The following RAG2 variants were observed in gnomAD, a reference collection of about 807,000 sequenced individuals.
RAG2 encodes the protein V(D)J recombination-activating protein 2.
RAG2 carries 16 observed loss-of-function variants against 31.8 expected under a neutral mutation model. That is an observed-to-expected ratio of 0.50 (90% CI 0.34 to 0.76). The LOEUF (loss-of-function observed/expected upper bound fraction) is 0.76. Among genes scored for constraint, RAG2 ranks in the 30% least tolerant of loss-of-function variants. The pLI is 0.01. For missense variants in RAG2, 622 were observed against 628.5 expected (o/e 0.99, Z 0.11); for synonymous variants, 199 against 215.9 (o/e 0.92, Z 0.68).
chr11:36,594,527 A>T (rs139508378), intron 1 of RAG2: 160 of 292,060 alleles, frequency 5.5e-4, no homozygotes, highest in African/African-American at 3.0e-3. Flanking sequence ...AGCTTTGGAA[A>T]TCTGTCTTTG....
intron 1 of RAG2, among the ~76,000 whole-genome samples, chr11:36,596,215 T>TTG (rs1851230777): frequency 7.3e-6 from 1 of 137,632 alleles, no homozygotes; most frequent in Non-Finnish European, 1.5e-5. Context: ...GGTAGTGTTT[T>TTG]TTTTTTGTTT....
intron 1 of RAG2, among the ~76,000 whole-genome samples, chr11:36,596,144 C>G (rs1450361997): frequency 6.7e-6 from 1 of 148,310 alleles, no homozygotes; most frequent in Non-Finnish European, 1.5e-5. Flanking sequence ...TCTAATTTAT[C>G]TTTATTCCTC....
Position 36,593,556 on chromosome 11 carries a change from A to G in RAG2, c.613T>C (p.Ser205Pro). The change falls in exon 2 of 2, where the codon TCT (serine) becomes CCT (proline). Residue 205 changes from serine to proline, a missense_variant. Ser to Pro is a moderately conservative substitution (Grantham distance 74, BLOSUM62 -1). Coordinates refer to ENST00000311485, the MANE Select transcript of RAG2 (RefSeq NM_000536.4). ...YILPELQDGL[S>P]FHVSIAKNDT... ...TTTTTGGCAATAGAGACATGAAAAGATAGCCCATCCTGAAGTTCTGGAAGA... is the reference window on the plus strand; with the variant it reads ...TTTTTGGCAATAGAGACATGAAAAGGTAGCCCATCCTGAAGTTCTGGAAGA... 1 of 1,614,212 alleles carries G rather than the reference A, an allele frequency of 6.2e-7. No homozygotes were observed. The highest frequency in any genetic ancestry group is 8.5e-7 in the Non-Finnish European group (1 of 1,180,024).
rs867293336 is a variant in RAG2, at chr11:36,596,186, C to G, written c.-28+1916G>C. Reference sequence around the variant, plus strand: ...AGATTCCTTGGACTATTTAGAATCTCTGGTCACTCTAATGAGATGGTAGTG... The same window carrying G: ...AGATTCCTTGGACTATTTAGAATCTGTGGTCACTCTAATGAGATGGTAGTG... On this transcript the variant is annotated intron_variant, in intron 1 of 1. Coordinates refer to ENST00000311485, the MANE Select transcript of RAG2 (RefSeq NM_000536.4). Among the ~76,000 whole-genome samples, 3 of 143,882 alleles carry G rather than the reference C, an allele frequency of 2.1e-5. No homozygotes were observed. In the East Asian group the frequency reaches 6.0e-4, roughly 29 times the overall value. 94.4% of individuals were successfully genotyped at this position (143,882 alleles called of 152,430 possible).
intron 1 of RAG2, chr11:36,597,539 A>G (rs1331797769): frequency 2.0e-5 from 3 of 152,200 alleles, no homozygotes; most frequent in African/African-American, 7.2e-5. Context: ...ATTTTCATTT[A>G]TTCTCTCTGA....
chr11:36,592,484 G>A lies in RAG2; in HGVS notation c.*101C>T, dbSNP rs1417183273. 2.1e-6 allele frequency: 3 copies of A among 1,406,640 alleles called. No homozygotes were observed. The East Asian group carries it at 7.5e-5, about 35-fold the overall frequency. 87.1% of individuals were successfully genotyped at this position (1,406,640 alleles called of 1,614,324 possible). ...TTCATGTAACTAAAAGAAAACATAG[G>A]CATTTTAAATAAACAAAAATGTATT... On this transcript the variant is annotated 3_prime_UTR_variant, in exon 2 of 2. Transcript: ENST00000311485.
chr11:36,592,463 T>G lies in RAG2; in HGVS notation c.*122A>C, dbSNP rs907637297. 1 of 1,278,186 alleles carries G rather than the reference T, an allele frequency of 7.8e-7. No homozygotes were observed. Among genetic ancestry groups the G allele is most frequent in the Non-Finnish European group, 1.1e-6 (1 of 935,434 alleles). The allele number at this position is 1,278,186 out of a possible 1,614,324, so 79.2% of individuals were successfully genotyped here. ...ACACTTTTTTCTGGCCCTTAATTCA[T>G]GTAACTAAAAGAAAACATAGGCATT... is the stretch of plus-strand genomic sequence containing the variant. On this transcript the variant is annotated 3_prime_UTR_variant, in exon 2 of 2. Transcript: ENST00000311485.
At position 36,592,485 on chromosome 11, in the gene RAG2, C is replaced by A. The variant is rs1185982881; in HGVS notation, c.*100G>T. On this transcript the variant is annotated 3_prime_UTR_variant, in exon 2 of 2. Coordinates refer to ENST00000311485, the MANE Select transcript of RAG2 (RefSeq NM_000536.4). The stretch of plus-strand genomic sequence containing the variant: ...TCATGTAACTAAAAGAAAACATAGG[C>A]ATTTTAAATAAACAAAAATGTATTT... 2.8e-6 allele frequency: 4 copies of A among 1,421,584 alleles called. No individual in the cohort carries two copies. In the East Asian group the frequency reaches 7.4e-5, roughly 26 times the overall value. 88.1% of individuals were successfully genotyped at this position (1,421,584 alleles called of 1,614,324 possible). A position where few individuals can be genotyped will look rare whatever the true frequency, so the allele number is the denominator to read the frequency against.
At chr11:36,597,828 C>A (rs1009541670) in intron 1 of RAG2, 1 of 152,022 alleles carries the variant, frequency 6.6e-6, no homozygotes, top group Non-Finnish European at 1.5e-5. Context: ...GCAGTAAAAC[C>A]AGGATTAGGT....
intron 1 of RAG2, among the ~76,000 whole-genome samples, chr11:36,596,802 C>T: frequency 6.6e-6 from 1 of 152,154 alleles, no homozygotes; most frequent in East Asian, 1.9e-4. Context: ...TTTTTATTGT[C>T]GCCTCTTGGT....
chr11:36,595,400 TAGAG>T (rs1851175724), intron 1 of RAG2: 1 of 152,262 alleles, frequency 6.6e-6, no homozygotes, highest in African/African-American at 2.4e-5. Context: ...TTGTTTACCT[TAGAG>T]AGTTGTGGAA....
At chr11:36,597,245 C>A (rs1851306085) in intron 1 of RAG2, among the ~76,000 whole-genome samples, 1 of 152,130 alleles carries the variant, frequency 6.6e-6, no homozygotes, top group African/African-American at 2.4e-5. Context: ...CTGGAGTAGA[C>A]CATTGTATCT....
Position 36,594,036 on chromosome 11 carries a change from C to T in RAG2, c.133G>A (p.Val45Ile), listed in dbSNP as rs770312622. Residue 45 changes from valine to isoleucine, a missense_variant, in exon 2 of 2, where the codon GTT (valine) becomes ATT (isoleucine). By Grantham distance (29) the Val-to-Ile change is conservative. Coordinates refer to ENST00000311485, the MANE Select transcript of RAG2 (RefSeq NM_000536.4). ...TTATGCTTTACATCCAGATGGAAAA[C>T]TCCAGTGGGGCAGGATCTTTTGGGC... ...GWPKRSCPTG[V>I]FHLDVKHNHV... The T allele has an allele frequency of 8.7e-6, 14 of 1,614,166 alleles. No individual in the cohort carries two copies. The highest frequency in any genetic ancestry group is 8.3e-5 in the Admixed American group (5 of 60,026).
downstream of RAG2, among the ~76,000 whole-genome samples, chr11:36,590,997 G>A (rs1296630603): frequency 6.6e-6 from 1 of 152,086 alleles, no homozygotes; most frequent in Non-Finnish European, 1.5e-5. Context: ...AAATCAAAGT[G>A]GAGTGATCCT....
chr11:36,594,852 G>A (rs1851141940), intron 1 of RAG2: 1 of 152,574 alleles, frequency 6.6e-6, no homozygotes, highest in Non-Finnish European at 1.5e-5. Flanking sequence ...ATGTCGTTAC[G>A]GTGTCCTGCC....
At chr11:36,597,440 A>C (rs1381854047) in intron 1 of RAG2, among the ~76,000 whole-genome samples, 1 of 152,252 alleles carries the variant, frequency 6.6e-6, no homozygotes, top group Non-Finnish European at 1.5e-5. Flanking sequence ...AGGTCAACAC[A>C]TTAAAGATTC....
chr11:36,591,272 C>T (rs1408464314), downstream of RAG2, among the ~76,000 whole-genome samples: 9 of 152,080 alleles, frequency 5.9e-5, no homozygotes, highest in Non-Finnish European at 1.0e-4. Context: ...TGTACTCCAG[C>T]GTTTCATCTC....
rs145031483 is a variant in RAG2 at position 36,593,485 on chromosome 11, G to A, written c.684C>T (p.Ile228=). 53 of 1,613,896 alleles carry A rather than the reference G, an allele frequency of 3.3e-5. No individual in the cohort carries two copies. The change falls in exon 2 of 2, where the codon ATC becomes ATT. Residue 228 remains isoleucine (I), a synonymous_variant. Coordinates refer to ENST00000311485, the MANE Select transcript of RAG2 (RefSeq NM_000536.4). The stretch of plus-strand genomic sequence containing the variant: ...TTATTCTGTACAGGTTGGCAGGCCG[G>A]ATATTATTGGCAAGTGAATGTCCTC... ...ILGGHSLANN[I]RPANLYRIRV... is the part of the protein sequence containing the mutation.
intron 1 of RAG2, 76 bp from the exon 2 acceptor site, chr11:36,594,271 A>G: frequency 1.0e-6 from 1 of 997,336 alleles, no homozygotes; most frequent in Non-Finnish European, 1.6e-6. Context: ...TCACATGTGA[A>G]TAGCATTTTT....
Sources: allele counts gnomAD v4.1 joint callset (sites outside exome capture counted in the v4.1 genomes callset), GRCh38; gene constraint gnomAD v4.1.1; transcripts MANE v1.5; gene names NCBI Gene and HGNC (gene_info 2026-07-23, HGNC 2026-07-21).